The following ERI3 variants were observed in gnomAD, a reference collection of about 807,000 sequenced individuals.
The protein encoded by ERI3 is ERI1 exoribonuclease 3.
A neutral mutation model predicts 44.4 loss-of-function variants in ERI3; 18 were observed. That is an observed-to-expected ratio of 0.41 (90% confidence interval 0.28 to 0.60). ERI3 has a LOEUF of 0.60. Ranked by LOEUF, ERI3 falls within the 20% of genes least tolerant of loss-of-function variation. The pLI, the probability that ERI3 is intolerant of heterozygous loss-of-function variation, is 0.36. For synonymous variants in ERI3, 183 were observed against 164.8 expected (o/e 1.11, Z -0.84); for missense variants, 294 against 435.5 (o/e 0.68, Z 2.89).
intron 7 of ERI3, among the ~76,000 whole-genome samples, chr1:44,257,867 C>T (rs1384502103): frequency 6.6e-6 from 1 of 152,116 alleles, no homozygotes; most frequent in Non-Finnish European, 1.5e-5. Context: ...AGAAGCTGGC[C>T]CTTCATATCA....
chr1:44,281,876 A>ACATGTGTG (rs1645295114), intron 7 of ERI3, among the ~76,000 whole-genome samples: 1 of 96,772 alleles, frequency 1.0e-5, no homozygotes, highest in African/African-American at 3.5e-5. Flanking sequence ...ATACATGTGC[A>ACATGTGTG]TATGTGTGTG....
At chr1:44,284,415 A>G (rs1266023209) in intron 7 of ERI3, among the ~76,000 whole-genome samples, 1 of 152,204 alleles carries the variant, frequency 6.6e-6, no homozygotes, top group Non-Finnish European at 1.5e-5. Flanking sequence ...CCAGAGTGAT[A>G]TATCAGGGCC....
Position 44,319,742 on chromosome 1 carries a change from T to C in ERI3, c.492A>G (p.Glu164=). 6.2e-7 allele frequency: 1 copy of C among 1,607,922 alleles called. No homozygotes were observed. Reference sequence around the variant, plus strand: ...GCTTTAGGATGGGGAACTCGATGATTTCCTGGAGTGCCAAAGATACAGAAA... The same window carrying C: ...GCTTTAGGATGGGGAACTCGATGATCTCCTGGAGTGCCAAAGATACAGAAA... The part of the protein sequence containing the change: ...TCDKPQIHPQ[E]IIEFPILKLN... The change falls in exon 4 of 9, where the codon GAA becomes GAG. Residue 164 remains glutamate (E), a splice_region_variant and synonymous_variant. Transcript: ENST00000372257.
chr1:44,281,599 A>T (rs868011575), intron 7 of ERI3, among the ~76,000 whole-genome samples: 221 of 124,302 alleles, frequency 1.8e-3, no homozygotes, highest in Middle Eastern at 0.012. Flanking sequence ...AAAAAAAAAA[A>T]AAATATATAT....
intron 8 of ERI3, among the ~76,000 whole-genome samples, chr1:44,223,370 C>T (rs898358854): frequency 1.2e-4 from 18 of 151,916 alleles, no homozygotes; most frequent in African/African-American, 4.4e-4. Context: ...GGGAATGGGA[C>T]CGGAAGGGGC....
chr1:44,281,314 A>G (rs930226213), intron 7 of ERI3, among the ~76,000 whole-genome samples: 5 of 152,152 alleles, frequency 3.3e-5, no homozygotes, highest in African/African-American at 1.2e-4. Flanking sequence ...TTGGCCAGGC[A>G]CAGTGGTTAA....
intron 2 of ERI3, among the ~76,000 whole-genome samples, chr1:44,347,899 G>A (rs1490299373): frequency 6.6e-6 from 1 of 152,026 alleles, no homozygotes. Flanking sequence ...GTGTGTGTGT[G>A]TGTGTGTTTT....
At chr1:44,242,925 G>A (rs1015779201) in intron 8 of ERI3, among the ~76,000 whole-genome samples, 4 of 152,104 alleles carry the variant, frequency 2.6e-5, no homozygotes, top group South Asian at 2.1e-4. Context: ...TGAGCGTGGC[G>A]GCAGAGGCGG....
In ERI3 at chr1:44,228,970, T is replaced by C. The variant is rs539426753; in HGVS notation, c.932-7330A>G. ...ATACAGAATGAGGACAGAAACCACG[T>C]TGGGCAGCCAGGGAGGTCCACAAGA... On this transcript the variant is annotated intron_variant, in intron 8 of 8. Coordinates refer to ENST00000372257, the MANE Select transcript of ERI3 (RefSeq NM_024066.3). This position sits in a 1 kb window ranked among gnomAD's most constrained non-coding sequence, Gnocchi z 4.3. Among the ~76,000 whole-genome samples, 23 of 152,248 alleles carry C rather than the reference T, an allele frequency of 1.5e-4. No homozygotes were observed. The highest frequency in any genetic ancestry group is 3.4e-3 in the Middle Eastern group (1 of 294).
intron 7 of ERI3, 106 bp downstream of exon 7, chr1:44,284,729 A>G: frequency 1.2e-6 from 1 of 835,774 alleles, no homozygotes. Context: ...GAGAAGAACA[A>G]AAAGAAAAAG....
Position 44,259,740 on chromosome 1 carries a change from G to C in ERI3, c.832-11702C>G, listed in dbSNP as rs1242100218. On this transcript the variant is annotated intron_variant, in intron 7 of 8. Coordinates refer to ENST00000372257, the MANE Select transcript of ERI3 (RefSeq NM_024066.3). ...CACACACACAAATTAGCCAGGCATGGTGACGTGCACCTGTGATCCTAGTTA... is the reference window on the plus strand; with the variant it reads ...CACACACACAAATTAGCCAGGCATGCTGACGTGCACCTGTGATCCTAGTTA... 4.3e-5 allele frequency among the ~76,000 whole-genome samples: 5 copies of C among 117,488 alleles called. No homozygotes were observed. The Admixed American group carries it at 4.4e-4, about 10-fold the overall frequency. The allele number at this position is 117,488 out of a possible 152,430, so 77.1% of individuals were successfully genotyped here.
rs1646164077 is a variant in ERI3, at chr1:44,319,826, ATGAG to A, written c.490-86_490-83del. The A allele has an allele frequency of 3.7e-6, 4 of 1,071,972 alleles. No homozygotes were observed. The South Asian group carries it at 5.6e-5, about 15-fold the overall frequency. 66.4% of individuals were successfully genotyped at this position (1,071,972 alleles called of 1,614,324 possible). A position where few individuals can be genotyped will look rare whatever the true frequency, so the allele number is the denominator to read the frequency against. ...AACAGTAGCTCCAAGTCAACAAAGA[ATGAG>A]TGTTTTGGATTCATTAGTGTTTTGG... is the stretch of plus-strand genomic sequence containing the variant. On this transcript the variant is annotated intron_variant, in intron 3 of 8. Transcript: ENST00000372257.
intron 2 of ERI3, among the ~76,000 whole-genome samples, chr1:44,342,824 T>TATATATATAA (rs1210046283): frequency 0.021 from 312 of 14,714 alleles, 27 homozygotes; most frequent in Non-Finnish European, 0.026. Context: ...TATATATATA[T>TATATATATAA]ATATATATAT....
chr1:44,233,405 C>CTTT (rs767308485), intron 8 of ERI3, among the ~76,000 whole-genome samples: 1 of 140,732 alleles, frequency 7.1e-6, no homozygotes, highest in African/African-American at 2.6e-5. Flanking sequence ...ATGTCACGTT[C>CTTT]TTTTTTTTTT....
In ERI3 at chr1:44,275,644, C is replaced by T. The variant is rs189647521; in HGVS notation, c.831+9191G>A. On this transcript the variant is annotated intron_variant, in intron 7 of 8. Coordinates refer to ENST00000372257, the MANE Select transcript of ERI3 (RefSeq NM_024066.3). The stretch of plus-strand genomic sequence containing the variant: ...GAGCTGGTCCTCATCCAATCCTCTT[C>T]GGAGCACCCAGAAATTGCAGCAAGG... Among the ~76,000 whole-genome samples the T allele has an allele frequency of 8.0e-4, 122 of 152,286 alleles. 2 individuals are homozygous for T. In the South Asian group the frequency reaches 0.015, roughly 19 times the overall value.
intron 8 of ERI3, among the ~76,000 whole-genome samples, 192 bp downstream of exon 8, chr1:44,247,747 G>A (rs1173581536): frequency 6.6e-6 from 1 of 152,126 alleles, no homozygotes; most frequent in Non-Finnish European, 1.5e-5. Flanking sequence ...ATACCACTTT[G>A]AGTGGTGCCT....
At chr1:44,282,300 T>C (rs401595) in intron 7 of ERI3, among the ~76,000 whole-genome samples, 106,571 of 151,834 alleles carry the variant, frequency 0.7, 38,353 homozygotes, top group African/African-American at 0.87. Context: ...CCAGGACCTT[T>C]CCCACCTTTC....
At chr1:44,278,399 C>T (rs777499389) in intron 7 of ERI3, among the ~76,000 whole-genome samples, 11 of 151,492 alleles carry the variant, frequency 7.3e-5, no homozygotes, top group Non-Finnish European at 1.5e-4. Context: ...ATCACTTGAA[C>T]CCAGGAGGCA....
At chr1:44,297,753 A>G (rs1645640478) in intron 6 of ERI3, among the ~76,000 whole-genome samples, 1 of 152,232 alleles carries the variant, frequency 6.6e-6, no homozygotes, top group Admixed American at 6.5e-5. Flanking sequence ...TGGGAATTAG[A>G]GGACAGATTG....
Sources: gnomAD v4.1 joint callset for allele counts (sites outside exome capture counted in the v4.1 genomes callset) on GRCh38, gnomAD v4.1.1 for gene constraint, Gnocchi (gnomAD v3.1) non-coding constraint, MANE v1.5 for transcripts, NCBI Gene and HGNC (gene_info 2026-07-23, HGNC 2026-07-21) for gene names.